Variants in SLX4 observed in about 807,000 individuals in gnomAD.
The protein encoded by SLX4 is SLX4 structure-specific endonuclease subunit.
A neutral mutation model predicts 146.2 loss-of-function variants in SLX4; 112 were observed. That is an observed-to-expected ratio of 0.77 (90% confidence interval 0.66 to 0.90). The LOEUF is 0.90. Ranked by LOEUF, SLX4 falls within the 40% of genes least tolerant of loss-of-function variation. The pLI is 0.00. For missense variants in SLX4, 2,563 were observed against 2,392.7 expected, an observed-to-expected ratio of 1.07 and a Z score of -1.49; for synonymous variants, 1,061 against 997.7, an observed-to-expected ratio of 1.06 and a Z score of -1.20.
intron 4 of SLX4, 184 bp downstream of exon 4, chr16:3,601,934 A>C (rs2040731381): frequency 1.5e-6 from 1 of 659,638 alleles, no homozygotes; most frequent in African/African-American, 1.8e-5. Context: ...GTTCAGTTTA[A>C]ATGGGTGAAC....
chr16:3,588,713 G>A (rs536844349), intron 12 of SLX4, among the ~76,000 whole-genome samples: 2 of 152,324 alleles, frequency 1.3e-5, no homozygotes, highest in East Asian at 3.9e-4. Flanking sequence ...TGCCGGCTCC[G>A]TGTTCTGGAG....
chr16:3,601,866 C>T, intron 4 of SLX4: 1 of 485,586 alleles, frequency 2.1e-6, no homozygotes, highest in East Asian at 3.9e-5. Context: ...GAAAATAATC[C>T]AGAAGTGATT....
In SLX4 at chr16:3,608,754, A is replaced by T. The variant is rs2151139655; in HGVS notation, c.211T>A (p.Ser71Thr). 6.2e-7 allele frequency: 1 copy of T among 1,614,018 alleles called. No homozygotes were observed. The change falls in exon 2 of 15, where the codon TCA becomes ACA. Residue 71 changes from serine (S) to threonine (T), a missense_variant. By Grantham distance (58) the Ser-to-Thr change is moderately conservative (BLOSUM62 1). Transcript: ENST00000294008. ...RVKKHGIKEV[S>T]GERKTQKAAS... ...GCCTTTTGTGTCTTCCTTTCTCCTG[A>T]CACTTCCTTGATTCCATGTTTTTTC...
intron 2 of SLX4, among the ~76,000 whole-genome samples, chr16:3,607,000 ATAC>A (rs1392537535): frequency 1.3e-5 from 2 of 152,246 alleles, no homozygotes; most frequent in Non-Finnish European, 2.9e-5. Flanking sequence ...GTCTGTGAAT[ATAC>A]TAAAAACCAC....
rs766448056 is a variant in SLX4, at chr16:3,589,365, C to T, written c.4273G>A (p.Asp1425Asn). The change falls in exon 12 of 15, where the codon GAC becomes AAC. Residue 1425 changes from aspartate to asparagine, a missense_variant. Transcript: ENST00000294008. This position sits in a 1 kb window ranked among gnomAD's most constrained non-coding sequence, Gnocchi z 6.2. ...LDSDPPIPID[D>N]CCWHMEPLSP... ...AGGGGCTCCATGTGCCAGCAGCAGT[C>T]GTCAATTGGAATTGGGGGGTCACTG... The T allele has an allele frequency of 1.0e-5, 16 of 1,585,488 alleles. No homozygotes were observed. Among genetic ancestry groups the T allele is most frequent in the South Asian group, 7.9e-5 (7 of 88,528 alleles).
rs544387150 is a variant in SLX4 at position 3,610,947 on chromosome 16, G to T, written c.-603+613C>A. On this transcript the variant is annotated intron_variant, in intron 1 of 14. Transcript: ENST00000294008. Reference sequence around the variant, plus strand: ...TTTATCCTGTTGGATGCGGGGAGCGGCTGGAACAAATTCCACCTCCACAAC... The same window carrying T: ...TTTATCCTGTTGGATGCGGGGAGCGTCTGGAACAAATTCCACCTCCACAAC... Among the ~76,000 whole-genome samples the T allele has an allele frequency of 3.3e-5, 5 of 152,316 alleles. No homozygotes were observed. In the South Asian group the frequency reaches 1.0e-3, roughly 32 times the overall value.
intron 9 of SLX4, 28 bp downstream of exon 9, chr16:3,595,577 G>C (rs2040642143): frequency 6.2e-7 from 1 of 1,612,332 alleles, no homozygotes; most frequent in Non-Finnish European, 8.5e-7. Flanking sequence ...GCCGGGACCA[G>C]AGAGCGCGGG....
rs1399315822 is a variant in SLX4, at chr16:3,602,495, G to A, written c.761-188C>T. On this transcript the variant is annotated intron_variant, in intron 3 of 14. Transcript: ENST00000294008. ...GAGACTGGGCACTAATCAGCACTCC[G>A]GGAACAGCCGTCTCCAACTTTAACA... is the stretch of plus-strand genomic sequence containing the variant. Among the ~76,000 whole-genome samples the A allele has an allele frequency of 4.6e-5, 7 of 152,270 alleles. No homozygotes were observed. In the South Asian group the frequency reaches 1.0e-3, roughly 23 times the overall value.
At chr16:3,611,201 C>T (rs940170883) in intron 1 of SLX4, among the ~76,000 whole-genome samples, 4 of 152,246 alleles carry the variant, frequency 2.6e-5, no homozygotes, top group Admixed American at 6.5e-5. Context: ...CCGCTTCCCC[C>T]AACCCGGCGA....
chr16:3,608,502 C>A lies in SLX4; in HGVS notation c.463G>T (p.Glu155Ter). Residue 155 changes from glutamate (E) to a stop codon, truncating the protein, a stop_gained, in exon 2 of 15, where the codon GAA (glutamate) becomes TAA (stop). Coordinates refer to ENST00000294008, the MANE Select transcript of SLX4 (RefSeq NM_032444.4). LOFTEE classifies it high-confidence loss of function. ...CCCGTCTGGGTGTTTTGTGCTGTTTCCCGGAGCACAGGTGGATCTGGAGCA... is the reference window on the plus strand; with the variant it reads ...CCCGTCTGGGTGTTTTGTGCTGTTTACCGGAGCACAGGTGGATCTGGAGCA... ...ASAPDPPVLR[E>*]TAQNTQTGNQ... 1 of 1,614,186 alleles carries A rather than the reference C, an allele frequency of 6.2e-7. No homozygotes were observed. Among genetic ancestry groups the A allele is most frequent in the Non-Finnish European group, 8.5e-7 (1 of 1,180,040 alleles).
At chr16:3,584,696 C>A (rs1470936780) in intron 13 of SLX4, 73 bp downstream of exon 13, 16 of 1,198,388 alleles carry the variant, frequency 1.3e-5, no homozygotes, top group Non-Finnish European at 1.5e-5. Flanking sequence ...CTTCCGCCCC[C>A]AGGTGTGTGA....
chr16:3,586,593 T>C (rs2040510935), intron 12 of SLX4, among the ~76,000 whole-genome samples: 1 of 152,036 alleles, frequency 6.6e-6, no homozygotes, highest in Admixed American at 6.6e-5. Context: ...GGTGGATCAC[T>C]TGAGGTTAGG....
chr16:3,594,597 G>C lies in SLX4; in HGVS notation c.2016C>G (p.Leu672=), dbSNP rs2040630619. 6.2e-7 allele frequency: 1 copy of C among 1,613,968 alleles called. No individual in the cohort carries two copies. Among genetic ancestry groups the C allele is most frequent in the Non-Finnish European group, 8.5e-7 (1 of 1,180,016 alleles). The part of the protein sequence containing the change: ...KHPDRGGRTL[L]SLGLLVADFG... ...AGTCAGCAACCAGCAGCCCGAGGGAGAGCTGAAGCAGGAGGAGAGGAAGAG... is the reference window on the plus strand; with the variant it reads ...AGTCAGCAACCAGCAGCCCGAGGGACAGCTGAAGCAGGAGGAGAGGAAGAG... Residue 672 remains leucine (L), a splice_region_variant and synonymous_variant, in exon 10 of 15, where the codon CTC becomes CTG. Coordinates refer to ENST00000294008, the MANE Select transcript of SLX4 (RefSeq NM_032444.4).
At chr16:3,593,407 G>A (rs1028911844) in intron 10 of SLX4, among the ~76,000 whole-genome samples, 2 of 152,076 alleles carry the variant, frequency 1.3e-5, no homozygotes, top group Non-Finnish European at 2.9e-5. Context: ...TTGTAGAGAT[G>A]GGCTCTCACT....
rs774540571 is a variant in SLX4, at chr16:3,583,070, C to T, written c.5153+27G>A. 6 of 1,614,050 alleles carry T rather than the reference C, an allele frequency of 3.7e-6. No homozygotes were observed. In the South Asian group the frequency reaches 5.5e-5, roughly 15 times the overall value. On this transcript the variant is annotated intron_variant, in intron 14 of 14. Transcript: ENST00000294008. ...ACGGGCCAGAGGATACATGAGGCCA[C>T]TGACCCCATCGCATCCATCCGGTTA...
At position 3,582,728 on chromosome 16, in the gene SLX4, C is replaced by G. The variant is rs183510403; in HGVS notation, c.5154-35G>C. ...GCCAGACCAGGACGTTGTGCAACCC[C>G]TTTCTCTCCAGCCCCTGAGACCATG... On this transcript the variant is annotated intron_variant, in intron 14 of 14. Transcript: ENST00000294008. 2.3e-4 allele frequency: 362 copies of G among 1,571,342 alleles called. 1 individual carries two copies. Among genetic ancestry groups the G allele is most frequent in the Non-Finnish European group, 3.0e-4 (345 of 1,152,312 alleles).
At chr16:3,598,294 C>G (rs1847207374) in intron 5 of SLX4, among the ~76,000 whole-genome samples, 1 of 152,210 alleles carries the variant, frequency 6.6e-6, no homozygotes, top group Non-Finnish European at 1.5e-5. Context: ...TGTGGCCAAG[C>G]CCATCCAATG....
rs77529764 is a variant in SLX4 at position 3,597,726 on chromosome 16, G to A, written c.1367-31C>T. On this transcript the variant is annotated intron_variant, in intron 6 of 14. Coordinates refer to ENST00000294008, the MANE Select transcript of SLX4 (RefSeq NM_032444.4). The surrounding 1 kb of genome is among the most constrained non-coding windows in gnomAD (Gnocchi z 4.4). ...GAGAAACAAAAGCGACACCATCAAC[G>A]GTGGAGTCGGTCCACTCACCCGGGA... 1,381 of 1,613,986 alleles carry A rather than the reference G, an allele frequency of 8.6e-4. 16 individuals carry two copies. The African/African-American group carries it at 0.016, about 19-fold the overall frequency.
Position 3,589,062 on chromosome 16 carries a change from G to A in SLX4, c.4576C>T (p.Pro1526Ser), listed in dbSNP as rs111866205. 5 of 1,614,166 alleles carry A rather than the reference G, an allele frequency of 3.1e-6. No homozygotes were observed. The highest frequency in any genetic ancestry group is 2.7e-5 in the African/African-American group (2 of 75,060). ...CCAGCGCTTGGCATCTGGGCCGGAGGAGGGGTCTCTGGAGGCCTCTGCTCT... is the reference window on the plus strand; with the variant it reads ...CCAGCGCTTGGCATCTGGGCCGGAGAAGGGGTCTCTGGAGGCCTCTGCTCT... The part of the protein sequence containing the change: ...GEEQRPPETP[P>S]PAQMPSAGGA... Residue 1526 changes from proline to serine, a missense_variant, in exon 12 of 15, where the codon CCT (proline) becomes TCT (serine). Transcript: ENST00000294008. The surrounding 1 kb of genome is among the most constrained non-coding windows in gnomAD (Gnocchi z 6.2).
Sources: gnomAD v4.1 joint callset for allele counts (sites outside exome capture counted in the v4.1 genomes callset) on GRCh38, gnomAD v4.1.1 for gene constraint, Gnocchi (gnomAD v3.1) non-coding constraint, MANE v1.5 for transcripts, NCBI Gene and HGNC (gene_info 2026-07-23, HGNC 2026-07-21) for gene names.